The following LRP11 variants were observed in gnomAD, a reference collection of about 807,000 sequenced individuals.
LRP11 encodes low-density lipoprotein receptor-related protein 11.
In LRP11, 25 loss-of-function variants were observed where a neutral mutation model predicts 43.1. That is an observed-to-expected ratio of 0.58 (90% CI 0.42 to 0.81). The LOEUF (loss-of-function observed/expected upper bound fraction) is 0.81, where lower values mean the gene tolerates loss of function less well. Ranked by LOEUF, LRP11 falls within the 30% of genes least tolerant of loss-of-function variation. The pLI is 0.00. For missense variants in LRP11, 623 were observed against 665.1 expected (o/e 0.94, Z 0.70); for synonymous variants, 316 against 299.4 (o/e 1.06, Z -0.57).
intron 1 of LRP11, among the ~76,000 whole-genome samples, chr6:149,859,777 T>C (rs544849840): frequency 2.0e-5 from 3 of 152,296 alleles, no homozygotes; most frequent in Admixed American, 2.0e-4. Context: ...ATGAAGTTTT[T>C]TATAAATGTG....
chr6:149,844,732 T>C (rs1262517320), intron 2 of LRP11, among the ~76,000 whole-genome samples: 3 of 152,248 alleles, frequency 2.0e-5, no homozygotes, highest in Non-Finnish European at 4.4e-5. Context: ...GATGGGATTG[T>C]ACTATTATAA....
intron 2 of LRP11, among the ~76,000 whole-genome samples, chr6:149,849,966 GGA>G (rs1299715986): frequency 6.6e-6 from 1 of 151,674 alleles, no homozygotes; most frequent in African/African-American, 2.4e-5. Flanking sequence ...CGAGGCAAAG[GGA>G]GAGATCACTA....
chr6:149,847,069 C>T (rs1249314980), intron 2 of LRP11, among the ~76,000 whole-genome samples: 4 of 152,246 alleles, frequency 2.6e-5, no homozygotes, highest in Non-Finnish European at 4.4e-5. Context: ...CATGAGGCTG[C>T]TGGCGTCACC....
At chr6:149,856,566 A>C (rs530472445) in intron 1 of LRP11, among the ~76,000 whole-genome samples, 1 of 152,332 alleles carries the variant, frequency 6.6e-6, no homozygotes, top group African/African-American at 2.4e-5. Flanking sequence ...TGAAGAACAA[A>C]ATATATGTAA....
chr6:149,831,217 G>A (rs1391682681), intron 5 of LRP11, among the ~76,000 whole-genome samples: 1 of 152,238 alleles, frequency 6.6e-6, no homozygotes, highest in Non-Finnish European at 1.5e-5. Context: ...CTGGATGGAA[G>A]CTGTTTTCAT....
intron 2 of LRP11, among the ~76,000 whole-genome samples, chr6:149,844,338 T>A (rs1776597456): frequency 1.3e-5 from 2 of 152,176 alleles, no homozygotes; most frequent in South Asian, 4.1e-4. Context: ...AACCCCTGCT[T>A]CCTTGGCCTC....
chr6:149,832,326 G>GT (rs1776418665), intron 5 of LRP11, among the ~76,000 whole-genome samples: 1 of 151,572 alleles, frequency 6.6e-6, no homozygotes, highest in African/African-American at 2.4e-5. Flanking sequence ...TGAGTAGCTG[G>GT]GATTACAGGT....
chr6:149,834,095 C>T (rs1583080044), intron 5 of LRP11, among the ~76,000 whole-genome samples: 2 of 152,122 alleles, frequency 1.3e-5, no homozygotes, highest in Non-Finnish European at 2.9e-5. Flanking sequence ...TCTCATCATT[C>T]GGCTTCCATT....
intron 1 of LRP11, among the ~76,000 whole-genome samples, chr6:149,862,469 ATG>A (rs1346472068): frequency 2.0e-5 from 3 of 151,670 alleles, no homozygotes; most frequent in Admixed American, 6.6e-5. Flanking sequence ...TGCCTCCTGT[ATG>A]TGTCCTGATT....
In LRP11 at chr6:149,827,257, T is replaced by A. The variant is rs552557211; in HGVS notation, c.1253-898A>T. 6.9e-4 allele frequency among the ~76,000 whole-genome samples: 105 copies of A among 152,288 alleles called. 1 individual carries two copies. Among genetic ancestry groups the A allele is most frequent in the African/African-American group, 2.5e-3 (103 of 41,560 alleles). The stretch of plus-strand genomic sequence containing the variant: ...GTGAGCCACCATGCCCAGCCTTAAG[T>A]GGGATTTTTGAGTATTACAATGCTT... On this transcript the variant is annotated intron_variant, in intron 5 of 6. Coordinates refer to ENST00000239367, the MANE Select transcript of LRP11 (RefSeq NM_032832.6). This position sits in a 1 kb window ranked among gnomAD's most constrained non-coding sequence, Gnocchi z 4.2.
chr6:149,835,962 T>A (rs559607785), intron 5 of LRP11, 123 bp downstream of exon 5: 1 of 916,382 alleles, frequency 1.1e-6, no homozygotes, highest in Non-Finnish European at 1.7e-6. Context: ...CTGGCCAAAT[T>A]CTTAATTTTA....
rs1344278337 is a variant in LRP11 at position 149,827,091 on chromosome 6, C to T, written c.1253-732G>A. Reference sequence around the variant, plus strand: ...AAGCAATTCTCCTGCCTCAGCCTCCCGAGTAGCTGGGATTACAGGTGCGTG... The same window carrying T: ...AAGCAATTCTCCTGCCTCAGCCTCCTGAGTAGCTGGGATTACAGGTGCGTG... On this transcript the variant is annotated intron_variant, in intron 5 of 6. Coordinates refer to ENST00000239367, the MANE Select transcript of LRP11 (RefSeq NM_032832.6). The surrounding 1 kb of genome is among the most constrained non-coding windows in gnomAD (Gnocchi z 4.2). 6.6e-6 allele frequency among the ~76,000 whole-genome samples: 1 copy of T among 151,886 alleles called. No homozygotes were observed. The highest frequency in any genetic ancestry group is 6.6e-5 in the Admixed American group (1 of 15,230).
Position 149,864,198 on chromosome 6 carries a change from G to A in LRP11, c.-178C>T, listed in dbSNP as rs561676834. 5.2e-5 allele frequency: 58 copies of A among 1,121,506 alleles called. No homozygotes were observed. The Middle Eastern group carries it at 2.3e-3, about 44-fold the overall frequency. The allele number at this position is 1,121,506 out of a possible 1,614,324, so 69.5% of individuals were successfully genotyped here. A position where few individuals can be genotyped will look rare whatever the true frequency, so the allele number is the denominator to read the frequency against. ...TCCCCCGAGGTCGCGGGCGCCGGCG[G>A]GAACCGCAGTAGCGGGAGACATAGC... On this transcript the variant is annotated 5_prime_UTR_variant, in exon 1 of 7. Transcript: ENST00000239367.
chr6:149,859,396 A>ATATATATTTTTTTTTTTTTTT, intron 1 of LRP11, among the ~76,000 whole-genome samples: 9 of 71,494 alleles, frequency 1.3e-4, no homozygotes, highest in African/African-American at 5.7e-4. Context: ...ATATATATAT[A>ATATATATTTTTTTTTTTTTTT]TTTTTTTTTT....
rs76158002 is a variant in LRP11, at chr6:149,851,777, G to C, written c.771+1226C>G. 1.0e-3 allele frequency among the ~76,000 whole-genome samples: 155 copies of C among 152,258 alleles called. 5 individuals carry two copies. The East Asian group carries it at 0.022, about 22-fold the overall frequency. On this transcript the variant is annotated intron_variant, in intron 2 of 6. Coordinates refer to ENST00000239367, the MANE Select transcript of LRP11 (RefSeq NM_032832.6). ...GAGGAGAGGCTGGGAAGGATGCTGG[G>C]TGTATTAGTCCATTCTCACACTGCT... is the stretch of plus-strand genomic sequence containing the variant.
At position 149,820,372 on chromosome 6, in the gene LRP11, A is replaced by C; in HGVS notation, c.*177T>G. 1 of 458,244 alleles carries C rather than the reference A, an allele frequency of 2.2e-6. No homozygotes were observed. The highest frequency in any genetic ancestry group is 2.1e-5 in the African/African-American group (1 of 48,024). 28.4% of individuals were successfully genotyped at this position (458,244 alleles called of 1,614,324 possible). A position where few individuals can be genotyped will look rare whatever the true frequency, so the allele number is the denominator to read the frequency against. Reference sequence around the variant, plus strand: ...TCATGAATTCCTCTCTAAATTTCAAAATATTTTATGACTTCTAAGGAAACT... The same window carrying C: ...TCATGAATTCCTCTCTAAATTTCAACATATTTTATGACTTCTAAGGAAACT... On this transcript the variant is annotated 3_prime_UTR_variant, in exon 7 of 7. Coordinates refer to ENST00000239367, the MANE Select transcript of LRP11 (RefSeq NM_032832.6).
intron 1 of LRP11, among the ~76,000 whole-genome samples, chr6:149,853,632 C>G (rs761947211): frequency 6.6e-6 from 1 of 152,096 alleles, no homozygotes; most frequent in Non-Finnish European, 1.5e-5. Context: ...CTCAACCGCC[C>G]GAGTAGCTGG....
At chr6:149,829,311 A>G (rs1776378062) in intron 5 of LRP11, among the ~76,000 whole-genome samples, 1 of 152,208 alleles carries the variant, frequency 6.6e-6, no homozygotes, top group Non-Finnish European at 1.5e-5. Context: ...CTGTAATCCC[A>G]GCACTTTAGG....
chr6:149,822,339 CAA>C (rs1158068865), intron 6 of LRP11, among the ~76,000 whole-genome samples: 2 of 134,752 alleles, frequency 1.5e-5, no homozygotes. Context: ...GGGCCTATCT[CAA>C]AAAAAAAAAA....
Sources: gnomAD v4.1 joint callset for allele counts (sites outside exome capture counted in the v4.1 genomes callset) on GRCh38, gnomAD v4.1.1 for gene constraint, Gnocchi (gnomAD v3.1) non-coding constraint, MANE v1.5 for transcripts, NCBI Gene and HGNC (gene_info 2026-07-23, HGNC 2026-07-21) for gene names.